GALNS: variants seen among roughly 807,000 people sequenced by gnomAD.
GALNS encodes galactosamine (N-acetyl)-6-sulfatase, also known as N-acetylgalactosamine-6-sulfatase.
Under a neutral mutation model 65.9 loss-of-function variants are expected in GALNS, and 65 were observed. The observed-to-expected ratio is 0.99, with a 90% CI of 0.81 to 1.21. The LOEUF is 1.21. Among genes scored for constraint, GALNS ranks in the 50% most tolerant of loss-of-function variants. The pLI, the probability that GALNS is intolerant of heterozygous loss-of-function variation, is 0.00. For missense variants in GALNS, 776 were observed against 700.7 expected (o/e 1.11, Z -1.21); for synonymous variants, 346 against 288.9 (o/e 1.20, Z -2.00).
At chr16:88,836,149 G>T (rs968923236) in intron 6 of GALNS, 52 bp downstream of exon 6, 123 of 1,527,152 alleles carry the variant, frequency 8.1e-5, no homozygotes, top group Non-Finnish European at 1.1e-4. Flanking sequence ...AGGTTGGTGC[G>T]GTCCCCGTCC....
At chr16:88,839,077 T>C (rs907669062) in intron 4 of GALNS, among the ~76,000 whole-genome samples, 1 of 152,068 alleles carries the variant, frequency 6.6e-6, no homozygotes, top group Non-Finnish European at 1.5e-5. Context: ...CCCAGGCAGG[T>C]CACCACCCAG....
At chr16:88,819,346 A>G (rs535423196) in intron 12 of GALNS, among the ~76,000 whole-genome samples, 50 of 152,336 alleles carry the variant, frequency 3.3e-4, no homozygotes, top group African/African-American at 1.1e-3. Context: ...TCCTGGTCCC[A>G]GCCTGGGCTT....
chr16:88,856,444 C>A, intron 1 of GALNS: 1 of 700,684 alleles, frequency 1.4e-6, no homozygotes, highest in South Asian at 1.5e-5. Flanking sequence ...GCACGCCGGC[C>A]ACCCACCTGC....
intron 8 of GALNS, among the ~76,000 whole-genome samples, chr16:88,833,394 G>C (rs1767815476): frequency 6.6e-6 from 1 of 151,446 alleles, no homozygotes; most frequent in South Asian, 2.1e-4. Context: ...GCTCACAGGA[G>C]GCCATGCTGT....
chr16:88,817,462 C>T (rs1439799568), intron 13 of GALNS: 2 of 985,220 alleles, frequency 2.0e-6, no homozygotes, highest in Non-Finnish European at 2.4e-6. Context: ...TGGGGCTGGC[C>T]CAGCATGAAG....
chr16:88,846,246 T>C (rs1438825869), intron 1 of GALNS, among the ~76,000 whole-genome samples: 2 of 152,146 alleles, frequency 1.3e-5, no homozygotes, highest in Non-Finnish European at 2.9e-5. Context: ...TTGCCGCAGA[T>C]ATGATTCAGT....
chr16:88,820,946 G>T (rs923013633), intron 12 of GALNS, among the ~76,000 whole-genome samples: 2 of 152,140 alleles, frequency 1.3e-5, no homozygotes, highest in Non-Finnish European at 2.9e-5. Flanking sequence ...TCCAGCTGGG[G>T]GGGCTGTTGG....
At chr16:88,816,693 G>A in intron 13 of GALNS, 1 of 985,440 alleles carries the variant, frequency 1.0e-6, no homozygotes, top group Non-Finnish European at 1.2e-6. Flanking sequence ...CCACGCTGTG[G>A]CTCCCTGGCT....
rs7205379 is a variant in GALNS at position 88,838,392 on chromosome 16, A to G, written c.423-627T>C. On this transcript the variant is annotated intron_variant, in intron 4 of 13. Coordinates refer to ENST00000268695, the MANE Select transcript of GALNS (RefSeq NM_000512.5). ...ATTAGAGTGACGACAAGAGAACGTGACAGTGTGGCCACACTGGTGACCTCC... is the reference window on the plus strand; with the variant it reads ...ATTAGAGTGACGACAAGAGAACGTGGCAGTGTGGCCACACTGGTGACCTCC... Among the ~76,000 whole-genome samples the G allele has an allele frequency of 0.32, 49,017 of 151,926 alleles. 9,277 individuals are homozygous for G. Among genetic ancestry groups the G allele is most frequent in the East Asian group, 0.52 (2,682 of 5,130 alleles).
intron 5 of GALNS, 152 bp from the exon 6 acceptor site, chr16:88,836,419 G>A (rs1014983464): frequency 5.6e-6 from 4 of 717,680 alleles, no homozygotes; most frequent in African/African-American, 5.2e-5. Context: ...ATTTTGGGAG[G>A]CTGAGGAAGG....
intron 4 of GALNS, among the ~76,000 whole-genome samples, chr16:88,838,380 C>G (rs114545653): frequency 0.016 from 2,422 of 152,188 alleles, 50 homozygotes; most frequent in African/African-American, 0.056. Flanking sequence ...AGAGTGACGA[C>G]AAGAGAACGT....
At chr16:88,833,600 C>T (rs891286349) in intron 8 of GALNS, among the ~76,000 whole-genome samples, 21 of 152,046 alleles carry the variant, frequency 1.4e-4, no homozygotes, top group African/African-American at 3.1e-4. Flanking sequence ...TACAGGTGCC[C>T]GCCACCACGC....
chr16:88,837,918 A>T, intron 4 of GALNS, 153 bp from the exon 5 acceptor site: 1 of 743,888 alleles, frequency 1.3e-6, no homozygotes, highest in Admixed American at 2.2e-5. Flanking sequence ...CAGGGACAAA[A>T]GACCAAGGCC....
At chr16:88,845,831 A>C (rs1346504454) in intron 1 of GALNS, among the ~76,000 whole-genome samples, 35 of 152,044 alleles carry the variant, frequency 2.3e-4, no homozygotes, top group Non-Finnish European at 1.5e-5. Flanking sequence ...AACTCTAAAA[A>C]AAAAAAAAAA....
At position 88,834,635 on chromosome 16, in the gene GALNS, C is replaced by CA. The variant is rs1491383824; in HGVS notation, c.898+577_898+578insT. On this transcript the variant is annotated intron_variant, in intron 8 of 13. Coordinates refer to ENST00000268695, the MANE Select transcript of GALNS (RefSeq NM_000512.5). ...TGTGGTCTGGGAAGAGGCTGCAGGGCCCCCCCCCGCGTGGTCTGGGAAGAG... is the reference window on the plus strand; with the variant it reads ...TGTGGTCTGGGAAGAGGCTGCAGGGCACCCCCCCCGCGTGGTCTGGGAAGAG... 1.2e-4 allele frequency among the ~76,000 whole-genome samples: 8 copies of CA among 66,540 alleles called. 1 individual carries two copies. The highest frequency in any genetic ancestry group is 2.9e-4 in the African/African-American group (7 of 24,500). 43.7% of individuals were successfully genotyped at this position (66,540 alleles called of 152,430 possible). A position where few individuals can be genotyped will look rare whatever the true frequency, so the allele number is the denominator to read the frequency against.
intron 1 of GALNS, chr16:88,856,265 G>A (rs1420090318): frequency 1.4e-6 from 1 of 703,022 alleles, no homozygotes; most frequent in East Asian, 2.7e-5. Flanking sequence ...GGAGCCCAGC[G>A]GGGGGACCCG....
At chr16:88,850,122 G>C (rs910045186) in intron 1 of GALNS, among the ~76,000 whole-genome samples, 2 of 152,242 alleles carry the variant, frequency 1.3e-5, no homozygotes. Context: ...CTCCAGTCCA[G>C]GTGGGAGAGT....
At chr16:88,840,723 A>C in intron 4 of GALNS, 1 of 497,686 alleles carries the variant, frequency 2.0e-6, no homozygotes, top group Non-Finnish European at 3.7e-6. Context: ...AGGGGCTGTG[A>C]CTCGAGGGAT....
chr16:88,824,998 G>T (rs1910658214), intron 10 of GALNS, 129 bp from the exon 11 acceptor site: 2 of 797,810 alleles, frequency 2.5e-6, no homozygotes, highest in Non-Finnish European at 4.2e-6. Context: ...ACTTTACAAA[G>T]ATGATTGAAA....
Sources: allele counts gnomAD v4.1 joint callset (sites outside exome capture counted in the v4.1 genomes callset), GRCh38; gene constraint gnomAD v4.1.1; transcripts MANE v1.5; gene names NCBI Gene and HGNC (gene_info 2026-07-23, HGNC 2026-07-21).